The following GLIS3 variants were observed in gnomAD, a reference collection of about 807,000 sequenced individuals.
GLIS3 encodes the protein GLIS family zinc finger 3, also known as zinc finger protein GLIS3.
In GLIS3, 53 loss-of-function variants were observed where a neutral mutation model predicts 78.6. The observed-to-expected ratio is 0.67, with a 90% CI of 0.54 to 0.85. GLIS3 has a LOEUF of 0.85. GLIS3 is among the 40% of genes least tolerant of loss of function. The pLI is 0.00. For missense variants in GLIS3, 1,703 were observed against 1,231.1 expected (o/e 1.38, Z -5.74); for synonymous variants, 684 against 509.9 (o/e 1.34, Z -4.60).
At chr9:4,203,325 C>T (rs1819571081) in intron 2 of GLIS3, among the ~76,000 whole-genome samples, 1 of 151,984 alleles carries the variant, frequency 6.6e-6, no homozygotes, top group African/African-American at 2.4e-5. Context: ...AAAAAAAAAT[C>T]AACAGATGCT....
At chr9:4,265,434 C>G (rs1018993301) in intron 2 of GLIS3, among the ~76,000 whole-genome samples, 1 of 143,404 alleles carries the variant, frequency 7.0e-6, no homozygotes, top group Non-Finnish European at 1.5e-5. Context: ...GGTCCCAGAG[C>G]TGGTCAGGAC....
chr9:4,354,452 A>T, the GLIS3 span, among the ~76,000 whole-genome samples: 2 of 152,112 alleles, frequency 1.3e-5, no homozygotes, highest in Non-Finnish European at 2.9e-5. Context: ...GCTATATTTA[A>T]CCAAGAATTA....
intron 4 of GLIS3, among the ~76,000 whole-genome samples, chr9:4,112,402 G>C (rs553338516): frequency 6.6e-6 from 1 of 152,276 alleles, no homozygotes; most frequent in East Asian, 1.9e-4. Flanking sequence ...CTACATCCCT[G>C]CATCTTAACA....
intron 2 of GLIS3, among the ~76,000 whole-genome samples, chr9:4,330,478 C>T (rs1250482271): frequency 6.6e-6 from 1 of 152,122 alleles, no homozygotes; most frequent in African/African-American, 2.4e-5. Context: ...AGCGAAAGAC[C>T]CAGTCAGTCA....
intron 4 of GLIS3, among the ~76,000 whole-genome samples, chr9:4,043,730 C>T (rs774493807): frequency 6.6e-6 from 1 of 152,168 alleles, no homozygotes; most frequent in African/African-American, 2.4e-5. Flanking sequence ...GTTTTCACAC[C>T]ATCTTTGAGC....
At chr9:4,054,977 G>C (rs576887281) in intron 4 of GLIS3, among the ~76,000 whole-genome samples, 1,899 of 152,302 alleles carry the variant, frequency 0.012, 40 homozygotes, top group African/African-American at 0.044. Flanking sequence ...ATTTAACAAG[G>C]ATCTGGCTAA....
At chr9:4,464,631 G>A in the GLIS3 span, among the ~76,000 whole-genome samples, 5 of 152,172 alleles carry the variant, frequency 3.3e-5, no homozygotes, top group Non-Finnish European at 7.3e-5. Flanking sequence ...CTGACCTCAA[G>A]TGATCCACCT....
intron 4 of GLIS3, among the ~76,000 whole-genome samples, chr9:4,105,206 T>C (rs1830658003): frequency 1.3e-5 from 2 of 152,186 alleles, no homozygotes; most frequent in Admixed American, 6.5e-5. Context: ...GATTTAGAGA[T>C]GGTCAGTAGG....
rs761058600 is a variant in GLIS3, at chr9:4,111,119, C to T, written c.1710+6649G>A. ...ATATACAAACAAATCTCCAAAGGTTCGACATACATTCCCTTAATCAGATCA... is the reference window on the plus strand; with the variant it reads ...ATATACAAACAAATCTCCAAAGGTTTGACATACATTCCCTTAATCAGATCA... On this transcript the variant is annotated intron_variant, in intron 4 of 10. Transcript: ENST00000381971. Among the ~76,000 whole-genome samples, 5 of 152,216 alleles carry T rather than the reference C, an allele frequency of 3.3e-5. No individual in the cohort carries two copies. The East Asian group carries it at 9.7e-4, about 29-fold the overall frequency.
intron 2 of GLIS3, among the ~76,000 whole-genome samples, chr9:4,155,414 G>A (rs771111399): frequency 5.9e-5 from 9 of 152,184 alleles, no homozygotes; most frequent in Non-Finnish European, 7.4e-5. Context: ...TGACCTGGCC[G>A]TGGCGTAGAT....
intron 2 of GLIS3, among the ~76,000 whole-genome samples, chr9:4,127,791 T>C (rs1832684887): frequency 1.3e-5 from 2 of 152,174 alleles, no homozygotes; most frequent in Admixed American, 6.5e-5. Context: ...AAATTTAATG[T>C]CATATATTTA....
intron 2 of GLIS3, among the ~76,000 whole-genome samples, chr9:4,257,868 C>T (rs968389368): frequency 2.6e-5 from 4 of 151,960 alleles, no homozygotes; most frequent in Non-Finnish European, 5.9e-5. Context: ...CCATTGCGCC[C>T]GGCCAACATG....
the GLIS3 span, among the ~76,000 whole-genome samples, chr9:4,453,345 CAAAA>C: frequency 3.2e-3 from 295 of 91,668 alleles, 1 homozygote; most frequent in Middle Eastern, 0.023. Context: ...TTCTGCACAG[CAAAA>C]AAAAAAAAAA....
At chr9:4,403,650 C>G in the GLIS3 span, among the ~76,000 whole-genome samples, 14 of 152,074 alleles carry the variant, frequency 9.2e-5, no homozygotes, top group Non-Finnish European at 1.6e-4. Context: ...AAGTTGTCAT[C>G]AGTTTAAAAT....
chr9:4,016,556 C>T (rs963119460), intron 4 of GLIS3, among the ~76,000 whole-genome samples: 6 of 152,244 alleles, frequency 3.9e-5, no homozygotes, highest in African/African-American at 1.4e-4. Flanking sequence ...AGAGAGGTTC[C>T]CCAATGCTGA....
intron 2 of GLIS3, 115 bp from the exon 3 acceptor site, chr9:4,126,056 T>C: frequency 2.5e-6 from 2 of 803,786 alleles, no homozygotes; most frequent in South Asian, 3.1e-5. Flanking sequence ...TCAGATCATT[T>C]TTTTTTTTAG....
intron 7 of GLIS3, among the ~76,000 whole-genome samples, chr9:3,891,625 C>G (rs1822456453): frequency 6.6e-6 from 1 of 152,122 alleles, no homozygotes; most frequent in South Asian, 2.1e-4. Flanking sequence ...TGACTTGAGC[C>G]CAGGGGTTCA....
At chr9:4,006,360 A>T (rs1402885698) in intron 4 of GLIS3, among the ~76,000 whole-genome samples, 1 of 151,836 alleles carries the variant, frequency 6.6e-6, no homozygotes, top group Non-Finnish European at 1.5e-5. Flanking sequence ...AAACAACCAT[A>T]CATATGAAAT....
At chr9:3,890,542 T>G (rs1822361691) in intron 7 of GLIS3, among the ~76,000 whole-genome samples, 1 of 152,118 alleles carries the variant, frequency 6.6e-6, no homozygotes, top group Non-Finnish European at 1.5e-5. Context: ...ATCTGCCAAT[T>G]GCCGGGGAGT....
Sources: allele counts gnomAD v4.1 joint callset (sites outside exome capture counted in the v4.1 genomes callset), GRCh38; gene constraint gnomAD v4.1.1; transcripts MANE v1.5; gene names NCBI Gene and HGNC (gene_info 2026-07-23, HGNC 2026-07-21).